ZBTB7C: variants seen among roughly 807,000 people sequenced by gnomAD.
ZBTB7C encodes the protein zinc finger and BTB domain-containing protein 7C.
ZBTB7C carries 8 observed loss-of-function variants against 25.7 expected under a neutral mutation model. The ratio of observed to expected loss-of-function variants is 0.31; its 90% CI spans 0.18 to 0.56. The LOEUF (loss-of-function observed/expected upper bound fraction) is 0.56. ZBTB7C is among the 20% of genes least tolerant of loss of function. The pLI is 0.91. For synonymous variants in ZBTB7C, 394 were observed against 369.0 expected, an observed-to-expected ratio of 1.07 and a Z score of -0.78; for missense variants, 824 against 855.2, an observed-to-expected ratio of 0.96 and a Z score of 0.46.
chr18:48,342,570 C>T (rs1464776543), intron 1 of ZBTB7C, among the ~76,000 whole-genome samples: 1 of 152,226 alleles, frequency 6.6e-6, no homozygotes, highest in Admixed American at 6.5e-5. Context: ...ATCAATTCCC[C>T]ACAACCCTCG....
intron 3 of ZBTB7C, among the ~76,000 whole-genome samples, chr18:48,089,186 AGGCCG>A (rs2038310463): frequency 6.6e-6 from 1 of 152,120 alleles, no homozygotes; most frequent in Non-Finnish European, 1.5e-5. Context: ...AGTCAAGTTT[AGGCCG>A]GGTGCAGTGG....
At chr18:48,358,013 G>A (rs1370638099) in intron 1 of ZBTB7C, among the ~76,000 whole-genome samples, 1 of 152,192 alleles carries the variant, frequency 6.6e-6, no homozygotes, top group Non-Finnish European at 1.5e-5. Context: ...TTGGTGATAA[G>A]TGAGTTATTG....
intron 3 of ZBTB7C, among the ~76,000 whole-genome samples, chr18:48,145,458 G>A (rs1323887430): frequency 6.6e-6 from 1 of 152,184 alleles, no homozygotes; most frequent in Non-Finnish European, 1.5e-5. Flanking sequence ...CGGGTCTCAA[G>A]GGACTCAGGG....
upstream of ZBTB7C, among the ~76,000 whole-genome samples, chr18:48,411,653 G>A (rs2048384543): frequency 6.6e-6 from 1 of 152,212 alleles, no homozygotes; most frequent in Non-Finnish European, 1.5e-5. Flanking sequence ...CCAGACACCT[G>A]CAGGAAATAG....
intron 3 of ZBTB7C, among the ~76,000 whole-genome samples, chr18:48,171,727 C>A (rs1599024727): frequency 1.3e-5 from 2 of 152,238 alleles, no homozygotes; most frequent in African/African-American, 4.8e-5. Context: ...GTGAATGAAG[C>A]AACAGGTGCC....
intron 3 of ZBTB7C, chr18:48,185,409 TG>T: frequency 2.7e-6 from 1 of 365,114 alleles, no homozygotes; most frequent in Non-Finnish European, 5.3e-6. Flanking sequence ...AGCCAATGCC[TG>T]CTGCTTCTCG....
intron 3 of ZBTB7C, among the ~76,000 whole-genome samples, chr18:48,102,096 G>A (rs1386983200): frequency 2.6e-5 from 4 of 152,188 alleles, no homozygotes; most frequent in Non-Finnish European, 4.4e-5. Context: ...ACATTGAGGC[G>A]CTGAAGGAGG....
At chr18:48,121,049 G>A (rs62087384) in intron 3 of ZBTB7C, among the ~76,000 whole-genome samples, 4,236 of 152,304 alleles carry the variant, frequency 0.028, 84 homozygotes, top group Non-Finnish European at 0.042. Flanking sequence ...TGGTCTTGGG[G>A]AAAGCAGCCA....
intron 3 of ZBTB7C, among the ~76,000 whole-genome samples, chr18:48,063,669 GA>G (rs2037209940): frequency 6.6e-6 from 1 of 151,216 alleles, no homozygotes; most frequent in African/African-American, 2.5e-5. Flanking sequence ...TTCTCAACAA[GA>G]AGTGGTCTAG....
At chr18:48,347,213 C>T (rs2046757648) in intron 1 of ZBTB7C, among the ~76,000 whole-genome samples, 1 of 127,882 alleles carries the variant, frequency 7.8e-6, no homozygotes, top group African/African-American at 3.0e-5. Flanking sequence ...TCAAGCCATT[C>T]TCCTGCCACG....
intron 1 of ZBTB7C, among the ~76,000 whole-genome samples, chr18:48,374,940 G>A (rs1229253521): frequency 6.6e-6 from 1 of 151,088 alleles, no homozygotes; most frequent in Non-Finnish European, 1.5e-5. Context: ...GGAATATCCT[G>A]AGGGTGGGAC....
intron 3 of ZBTB7C, among the ~76,000 whole-genome samples, chr18:48,070,010 A>G (rs761341332): frequency 2.0e-5 from 3 of 152,094 alleles, no homozygotes; most frequent in Non-Finnish European, 4.4e-5. Flanking sequence ...AGGTGAGGCA[A>G]TTGAGCCTCT....
chr18:48,200,930 C>T (rs11873776), intron 2 of ZBTB7C, among the ~76,000 whole-genome samples: 18,551 of 152,240 alleles, frequency 0.12, 1,534 homozygotes, highest in Non-Finnish European at 0.18. Context: ...GTGTGGCTCA[C>T]GCCTGACCCT....
At chr18:48,322,191 C>A (rs1008678554) in intron 2 of ZBTB7C, among the ~76,000 whole-genome samples, 6 of 152,160 alleles carry the variant, frequency 3.9e-5, no homozygotes, top group African/African-American at 1.4e-4. Context: ...TTGCCCATAG[C>A]CCTCCTATAA....
intron 2 of ZBTB7C, among the ~76,000 whole-genome samples, chr18:48,296,284 G>T (rs2045388974): frequency 6.6e-6 from 1 of 152,156 alleles, no homozygotes; most frequent in Non-Finnish European, 1.5e-5. Flanking sequence ...AGGCAGGGTG[G>T]CAGCCTCCTC....
chr18:48,078,193 C>T (rs940543509), intron 3 of ZBTB7C, among the ~76,000 whole-genome samples: 3 of 152,206 alleles, frequency 2.0e-5, no homozygotes, highest in African/African-American at 7.2e-5. Context: ...CATTCAGTTA[C>T]ACAACACATA....
chr18:48,371,700 G>C (rs933556219), intron 1 of ZBTB7C, among the ~76,000 whole-genome samples: 1 of 152,334 alleles, frequency 6.6e-6, no homozygotes, highest in South Asian at 2.1e-4. Flanking sequence ...ACGTTAATGA[G>C]CAAAAGCTTC....
rs2048354859 is a variant in ZBTB7C, at chr18:48,409,339, C to T, written c.-417G>A. The T allele has an allele frequency of 6.7e-6, 1 of 149,050 alleles. No individual in the cohort carries two copies. The highest frequency in any genetic ancestry group is 2.4e-5 in the African/African-American group (1 of 41,052). The allele number at this position is 149,050 out of a possible 1,614,324, so 9.2% of individuals were successfully genotyped here. ...CCCTGCGCGCCCGAGCCTCGCCGGCCGCGCCGCTGTCAGAGTCTCGTGGCG... is the reference window on the plus strand; with the variant it reads ...CCCTGCGCGCCCGAGCCTCGCCGGCTGCGCCGCTGTCAGAGTCTCGTGGCG... On this transcript the variant is annotated 5_prime_UTR_variant, in exon 1 of 5. Coordinates refer to ENST00000590800, the MANE Select transcript of ZBTB7C (RefSeq NM_001318841.2).
chr18:48,354,158 G>A (rs530617130), intron 1 of ZBTB7C, among the ~76,000 whole-genome samples: 2 of 152,246 alleles, frequency 1.3e-5, no homozygotes, highest in East Asian at 3.9e-4. Context: ...TTTGAGGCCT[G>A]AACAAACAGG....
Sources: allele counts gnomAD v4.1 joint callset (sites outside exome capture counted in the v4.1 genomes callset), GRCh38; gene constraint gnomAD v4.1.1; transcripts MANE v1.5; gene names NCBI Gene and HGNC (gene_info 2026-07-23, HGNC 2026-07-21).